The following CDH12 variants were observed in gnomAD, a reference collection of about 807,000 sequenced individuals.
The protein encoded by CDH12 is cadherin 12.
CDH12 carries 41 observed loss-of-function variants against 74.1 expected under a neutral mutation model. The observed-to-expected ratio is 0.55, with a 90% CI of 0.43 to 0.72. CDH12 has a LOEUF of 0.72. Among genes scored for constraint, CDH12 ranks in the 30% least tolerant of loss-of-function variants. The pLI, the probability that CDH12 is intolerant of heterozygous loss-of-function variation, is 0.00. For synonymous variants in CDH12, 399 were observed against 355.0 expected, an observed-to-expected ratio of 1.12 and a Z score of -1.39; for missense variants, 945 against 977.2, an observed-to-expected ratio of 0.97 and a Z score of 0.44.
At chr5:22,573,866 T>G (rs1194578239) in intron 1 of CDH12, among the ~76,000 whole-genome samples, 1 of 152,042 alleles carries the variant, frequency 6.6e-6, no homozygotes, top group Non-Finnish European at 1.5e-5. Flanking sequence ...ACACACAGTA[T>G]GCCCCCTCTA....
intron 1 of CDH12, among the ~76,000 whole-genome samples, chr5:22,542,219 G>C (rs1299446707): frequency 6.6e-6 from 1 of 152,082 alleles, no homozygotes; most frequent in East Asian, 1.9e-4. Context: ...GTTAAGTTCT[G>C]GTGTTTTTAC....
intron 3 of CDH12, among the ~76,000 whole-genome samples, chr5:22,275,080 C>A (rs942123077): frequency 1.3e-5 from 2 of 151,886 alleles, no homozygotes; most frequent in Admixed American, 1.3e-4. Context: ...CTTAGGCAAA[C>A]AAGAAAAGGA....
At chr5:21,868,201 C>G (rs182821893) in intron 6 of CDH12, among the ~76,000 whole-genome samples, 1 of 146,830 alleles carries the variant, frequency 6.8e-6, no homozygotes, top group African/African-American at 2.7e-5. Flanking sequence ...ATTTCACCGT[C>G]CACCATGATT....
chr5:22,207,892 CTAA>C (rs1175848993), intron 4 of CDH12, among the ~76,000 whole-genome samples: 1 of 152,180 alleles, frequency 6.6e-6, no homozygotes, highest in Non-Finnish European at 1.5e-5. Flanking sequence ...AAGGTGACAG[CTAA>C]TAATAAGGTT....
intron 5 of CDH12, among the ~76,000 whole-genome samples, chr5:22,018,891 G>C (rs1737782641): frequency 6.6e-6 from 1 of 152,054 alleles, no homozygotes; most frequent in South Asian, 2.1e-4. Flanking sequence ...GGCCAACATG[G>C]TGAAACCCCA....
At chr5:22,745,394 T>C (rs1410243154) in intron 1 of CDH12, among the ~76,000 whole-genome samples, 1 of 152,176 alleles carries the variant, frequency 6.6e-6, no homozygotes, top group African/African-American at 2.4e-5. Context: ...CAATACCATT[T>C]GACCCAGCAA....
intron 3 of CDH12, among the ~76,000 whole-genome samples, chr5:22,228,868 A>G (rs1752285781): frequency 6.6e-6 from 1 of 152,180 alleles, no homozygotes; most frequent in Non-Finnish European, 1.5e-5. Context: ...AATTAAAGAT[A>G]AAATAAATTA....
chr5:22,460,407 A>T (rs76802337), intron 2 of CDH12, among the ~76,000 whole-genome samples: 1 of 152,200 alleles, frequency 6.6e-6, no homozygotes, highest in African/African-American at 2.4e-5. Flanking sequence ...GAAGCAGAAA[A>T]ATAAATAAAA....
At chr5:21,888,054 A>G (rs1379170338) in intron 6 of CDH12, among the ~76,000 whole-genome samples, 1 of 152,120 alleles carries the variant, frequency 6.6e-6, no homozygotes, top group Non-Finnish European at 1.5e-5. Flanking sequence ...CAAAACAGTC[A>G]CACTAAGGAG....
chr5:22,463,494 CAT>C (rs1317993696), intron 2 of CDH12, among the ~76,000 whole-genome samples: 2 of 152,006 alleles, frequency 1.3e-5, no homozygotes. Flanking sequence ...ACAGAAAACA[CAT>C]AAAAATGTCT....
intron 3 of CDH12, among the ~76,000 whole-genome samples, chr5:22,232,158 T>C (rs1291846560): frequency 6.6e-6 from 1 of 151,826 alleles, no homozygotes; most frequent in African/African-American, 2.4e-5. Context: ...TATTTTATTT[T>C]CTATTTGTTA....
At chr5:22,294,925 A>G (rs1183164706) in intron 3 of CDH12, among the ~76,000 whole-genome samples, 6 of 152,308 alleles carry the variant, frequency 3.9e-5, no homozygotes, top group Admixed American at 6.5e-5. Context: ...GAGAATCCCT[A>G]TGAAATGTAA....
At chr5:21,945,617 A>T (rs577512470) in intron 6 of CDH12, among the ~76,000 whole-genome samples, 1 of 151,934 alleles carries the variant, frequency 6.6e-6, no homozygotes, top group African/African-American at 2.4e-5. Flanking sequence ...ACTAAATAAA[A>T]TTAAAATACA....
At chr5:22,428,034 C>T (rs182576186) in intron 2 of CDH12, among the ~76,000 whole-genome samples, 1 of 152,056 alleles carries the variant, frequency 6.6e-6, no homozygotes, top group East Asian at 1.9e-4. Context: ...TTAACTGGAC[C>T]CAGTTATTCT....
At chr5:22,701,154 C>T (rs971669155) in intron 1 of CDH12, among the ~76,000 whole-genome samples, 7 of 152,108 alleles carry the variant, frequency 4.6e-5, no homozygotes, top group Non-Finnish European at 1.0e-4. Context: ...ACCTTAGAGG[C>T]TCCTTTGGCC....
intron 1 of CDH12, among the ~76,000 whole-genome samples, chr5:22,676,476 G>A (rs1224724350): frequency 6.6e-6 from 1 of 152,148 alleles, no homozygotes; most frequent in Non-Finnish European, 1.5e-5. Flanking sequence ...TATTACCTGA[G>A]CAGCATCTTA....
At chr5:22,820,659 A>G (rs1749650673) in intron 1 of CDH12, among the ~76,000 whole-genome samples, 1 of 152,210 alleles carries the variant, frequency 6.6e-6, no homozygotes, top group Non-Finnish European at 1.5e-5. Context: ...TCCTCGACAC[A>G]TACATCCTCC....
At chr5:22,063,565 CT>C (rs1352600801) in intron 5 of CDH12, among the ~76,000 whole-genome samples, 1 of 151,972 alleles carries the variant, frequency 6.6e-6, no homozygotes, top group Non-Finnish European at 1.5e-5. Flanking sequence ...GTACTTCTTT[CT>C]TTTAACAGAC....
chr5:22,797,512 T>G (rs1748291889), intron 1 of CDH12, among the ~76,000 whole-genome samples: 2 of 152,084 alleles, frequency 1.3e-5, no homozygotes, highest in African/African-American at 4.8e-5. Flanking sequence ...AACTAATAAT[T>G]GCATAAGTGA....
Sources: allele counts gnomAD v4.1 joint callset (sites outside exome capture counted in the v4.1 genomes callset), GRCh38; gene constraint gnomAD v4.1.1; transcripts MANE v1.5; gene names NCBI Gene and HGNC (gene_info 2026-07-23, HGNC 2026-07-21).